Variants in HDAC1 observed in about 807,000 individuals in gnomAD.
HDAC1 encodes protein deacetylase HDAC1.
Under a neutral mutation model 65.5 loss-of-function variants are expected in HDAC1, and 18 were observed. That is an observed-to-expected ratio of 0.27 (90% CI 0.19 to 0.41). The LOEUF (loss-of-function observed/expected upper bound fraction) is 0.41. Among genes scored for constraint, HDAC1 ranks in the 10% least tolerant of loss-of-function variants. The pLI, the probability that HDAC1 is intolerant of heterozygous loss-of-function variation, is 1.00. For missense variants in HDAC1, 373 were observed against 625.2 expected (o/e 0.60, Z 4.30); for synonymous variants, 211 against 227.9 (o/e 0.93, Z 0.67).
At chr1:32,328,846 T>C (rs75753706) in intron 6 of HDAC1, among the ~76,000 whole-genome samples, 3,335 of 152,230 alleles carry the variant, frequency 0.022, 129 homozygotes, top group African/African-American at 0.076. Flanking sequence ...GAGCTCTCAG[T>C]CTGGGGGTAG....
At chr1:32,332,561 TGGGA>T in intron 12 of HDAC1, 136 bp from the exon 13 acceptor site, 1 of 692,122 alleles carries the variant, frequency 1.4e-6, no homozygotes, top group South Asian at 1.9e-5. Context: ...CAGGGCTCAC[TGGGA>T]GGACCAGGGA....
At position 32,328,995 on chromosome 1, in the gene HDAC1, C is replaced by T. The variant is rs993291146; in HGVS notation, c.637-73C>T. 1.2e-5 allele frequency: 11 copies of T among 900,434 alleles called. No homozygotes were observed. The African/African-American group carries it at 1.6e-4, about 13-fold the overall frequency. The allele number at this position is 900,434 out of a possible 1,614,324, so 55.8% of individuals were successfully genotyped here. On this transcript the variant is annotated intron_variant, in intron 6 of 13. Coordinates refer to ENST00000373548, the MANE Select transcript of HDAC1 (RefSeq NM_004964.3). ...GTCTCTCTTGAACCTCTTCCTTTAT[C>T]CCTCCAGCCCCTATCCTTGACCTTC... is the stretch of plus-strand genomic sequence containing the variant.
chr1:32,315,829 G>C (rs1325010099), intron 2 of HDAC1, among the ~76,000 whole-genome samples: 1 of 150,836 alleles, frequency 6.6e-6, no homozygotes, highest in African/African-American at 2.4e-5. Flanking sequence ...AGCCAGCGTC[G>C]TGGTGGGCGC....
chr1:32,292,137 A>G lies in HDAC1; in HGVS notation c.-33A>G. ...GAGCCGCGGGCGGGAGGGCGGACGGACCGACTGACGGTAGGGACGGGAGGC... is the reference window on the plus strand; with the variant it reads ...GAGCCGCGGGCGGGAGGGCGGACGGGCCGACTGACGGTAGGGACGGGAGGC... On this transcript the variant is annotated 5_prime_UTR_variant, in exon 1 of 14. Transcript: ENST00000373548. 1 of 1,546,234 alleles carries G rather than the reference A, an allele frequency of 6.5e-7. No homozygotes were observed. Among genetic ancestry groups the G allele is most frequent in the South Asian group, 1.2e-5 (1 of 83,922 alleles).
intron 2 of HDAC1, among the ~76,000 whole-genome samples, chr1:32,310,872 GAC>G (rs1640981350): frequency 1.3e-5 from 2 of 149,760 alleles, no homozygotes; most frequent in African/African-American, 4.9e-5. Flanking sequence ...AAAATAGAGA[GAC>G]AGAAAGAAAC....
intron 1 of HDAC1, among the ~76,000 whole-genome samples, chr1:32,300,098 A>G (rs1345271964): frequency 2.6e-5 from 4 of 152,068 alleles, no homozygotes; most frequent in Admixed American, 6.6e-5. Flanking sequence ...AGCTTTTAGC[A>G]TATTGGATTT....
chr1:32,312,756 A>G (rs1456502716), intron 2 of HDAC1, among the ~76,000 whole-genome samples: 2 of 151,826 alleles, frequency 1.3e-5, no homozygotes, highest in Non-Finnish European at 2.9e-5. Flanking sequence ...GCTCACTGCA[A>G]CCTCTGCCTC....
chr1:32,305,680 G>A (rs186586715), intron 2 of HDAC1, among the ~76,000 whole-genome samples: 10 of 148,482 alleles, frequency 6.7e-5, no homozygotes, highest in East Asian at 4.0e-4. Flanking sequence ...GTGCGATCTC[G>A]GCTCACTGCA....
intron 1 of HDAC1, among the ~76,000 whole-genome samples, chr1:32,301,547 A>G (rs1219890732): frequency 1.3e-5 from 2 of 152,188 alleles, no homozygotes; most frequent in Non-Finnish European, 2.9e-5. Flanking sequence ...AGGTGAGTGG[A>G]TCAACTGAGG....
Position 32,330,248 on chromosome 1 carries a change from T to C in HDAC1, c.730-330T>C, listed in dbSNP as rs1010524058. 3.2e-6 allele frequency: 1 copy of C among 314,480 alleles called. No homozygotes were observed. Among genetic ancestry groups the C allele is most frequent in the Non-Finnish European group, 6.1e-6 (1 of 164,804 alleles). 19.5% of individuals were successfully genotyped at this position (314,480 alleles called of 1,614,324 possible). On this transcript the variant is annotated intron_variant, in intron 7 of 13. Transcript: ENST00000373548. This position sits in a 1 kb window ranked among gnomAD's most constrained non-coding sequence, Gnocchi z 4.2. ...AGTCTGTAAGACCGAATGAGTAGAG[T>C]AGATGCAGCTAAAGGTCAGGAAGGC...
In HDAC1 at chr1:32,333,007, C is replaced by T. The variant is rs780254467; in HGVS notation, c.1422-10C>T. ...GGGTCATCTCATGCCAGTCTCTGCT[C>T]TCTCCACAGGGTCAAGGAGGAGGTC... On this transcript the variant is annotated splice_polypyrimidine_tract_variant and intron_variant, in intron 13 of 13. Transcript: ENST00000373548. 6.2e-7 allele frequency: 1 copy of T among 1,613,530 alleles called. No individual in the cohort carries two copies. Among genetic ancestry groups the T allele is most frequent in the South Asian group, 1.1e-5 (1 of 90,862 alleles).
chr1:32,301,528 G>A (rs907814223), intron 1 of HDAC1, among the ~76,000 whole-genome samples: 2 of 152,206 alleles, frequency 1.3e-5, no homozygotes, highest in Non-Finnish European at 2.9e-5. Context: ...CCGGCACTTT[G>A]GGAGGCCGAG....
At chr1:32,296,611 T>C (rs558466688) in intron 1 of HDAC1, among the ~76,000 whole-genome samples, 4 of 152,212 alleles carry the variant, frequency 2.6e-5, no homozygotes, top group African/African-American at 4.8e-5. Context: ...ACTCCTGAGC[T>C]CAAGTCATCT....
rs1557613480 is a variant in HDAC1 at position 32,331,611 on chromosome 1, T to C, written c.1088+29T>C. Reference sequence around the variant, plus strand: ...AGTATATCCTCCAGCCACCCCTTGGTTGAACATTCCTGACTTTGGTTTGTC... The same window carrying C: ...AGTATATCCTCCAGCCACCCCTTGGCTGAACATTCCTGACTTTGGTTTGTC... On this transcript the variant is annotated intron_variant, in intron 10 of 13. Transcript: ENST00000373548. The surrounding 1 kb of genome is among the most constrained non-coding windows in gnomAD (Gnocchi z 4.2). The C allele has an allele frequency of 1.2e-6, 2 of 1,612,770 alleles. No individual in the cohort carries two copies. Among genetic ancestry groups the C allele is most frequent in the East Asian group, 2.2e-5 (1 of 44,884 alleles).
rs71571709 is a variant in HDAC1 at position 32,297,777 on chromosome 1, A to ATT, written c.50-4815_50-4814dup. Among the ~76,000 whole-genome samples the ATT allele has an allele frequency of 7.7e-3, 555 of 72,156 alleles. 61 individuals are homozygous for ATT. Among genetic ancestry groups the ATT allele is most frequent in the African/African-American group, 0.016 (263 of 16,086 alleles). The allele number at this position is 72,156 out of a possible 152,430, so 47.3% of individuals were successfully genotyped here. ...AGGCGCATGACACTACGCCTGGCTAATTTTTTTTTTTTTTTTTTTTTTTTT... is the reference window on the plus strand; with the variant it reads ...AGGCGCATGACACTACGCCTGGCTAATTTTTTTTTTTTTTTTTTTTTTTTTTT... On this transcript the variant is annotated intron_variant, in intron 1 of 13. Transcript: ENST00000373548.
chr1:32,305,536 T>C (rs1176390755), intron 2 of HDAC1, among the ~76,000 whole-genome samples: 1 of 152,130 alleles, frequency 6.6e-6, no homozygotes, highest in African/African-American at 2.4e-5. Context: ...GTTATCTTAC[T>C]ATTATTTTAA....
chr1:32,324,620 T>A (rs1450181813), intron 4 of HDAC1, 67 bp downstream of exon 4: 212 of 1,046,168 alleles, frequency 2.0e-4, no homozygotes, highest in Non-Finnish European at 9.1e-6. Context: ...CCTTTTAGGC[T>A]GCTATCCTAG....
intron 2 of HDAC1, among the ~76,000 whole-genome samples, chr1:32,308,824 A>AT (rs1168533746): frequency 5.3e-5 from 8 of 151,408 alleles, no homozygotes; most frequent in Non-Finnish European, 1.2e-4. Context: ...GGCCCGTTTT[A>AT]TTTTTTTAGA....
intron 1 of HDAC1, among the ~76,000 whole-genome samples, chr1:32,297,775 T>C (rs1640788488): frequency 1.7e-5 from 2 of 120,634 alleles, no homozygotes; most frequent in African/African-American, 3.2e-5. Context: ...TACGCCTGGC[T>C]AATTTTTTTT....
Sources: gnomAD v4.1 joint callset for allele counts (sites outside exome capture counted in the v4.1 genomes callset) on GRCh38, gnomAD v4.1.1 for gene constraint, Gnocchi (gnomAD v3.1) non-coding constraint, MANE v1.5 for transcripts, NCBI Gene and HGNC (gene_info 2026-07-23, HGNC 2026-07-21) for gene names.